OSBPL6: variants seen among roughly 807,000 people sequenced by gnomAD.
The protein encoded by OSBPL6 is oxysterol-binding protein-related protein 6.
OSBPL6 carries 49 observed loss-of-function variants against 125.8 expected under a neutral mutation model. That is an observed-to-expected ratio of 0.39 (90% CI 0.31 to 0.49). The LOEUF (loss-of-function observed/expected upper bound fraction) is 0.49. OSBPL6 is among the 20% of genes least tolerant of loss of function. OSBPL6 has a pLI of 0.88. For synonymous variants in OSBPL6, 394 were observed against 391.8 expected, an observed-to-expected ratio of 1.01 and a Z score of -0.07; for missense variants, 986 against 1,135.4, an observed-to-expected ratio of 0.87 and a Z score of 1.89.
rs1688489926 is a variant in OSBPL6 at position 178,324,128 on chromosome 2, A to ATGAAAAG, written c.103-45_103-39dup. On this transcript the variant is annotated intron_variant, in intron 3 of 24. Coordinates refer to ENST00000190611, the MANE Select transcript of OSBPL6 (RefSeq NM_032523.4). ...TGATTTCATCCCCATGCACATTCACATGAAAAGTGAGTTGTCTAACCCTGG... is the reference window on the plus strand; with the variant it reads ...TGATTTCATCCCCATGCACATTCACATGAAAAGTGAAAAGTGAGTTGTCTAACCCTGG... The ATGAAAAG allele has an allele frequency of 3.2e-6, 4 of 1,235,952 alleles. No homozygotes were observed. In the African/African-American group the frequency reaches 5.9e-5, roughly 18 times the overall value. 76.6% of individuals were successfully genotyped at this position (1,235,952 alleles called of 1,614,324 possible).
At chr2:178,362,701 C>T (rs779240978) in intron 13 of OSBPL6, among the ~76,000 whole-genome samples, 1 of 152,090 alleles carries the variant, frequency 6.6e-6, no homozygotes, top group South Asian at 2.1e-4. Context: ...AGACTTACAC[C>T]GTGTCACCGT....
chr2:178,336,696 T>C (rs1689719370), intron 9 of OSBPL6, among the ~76,000 whole-genome samples: 1 of 152,144 alleles, frequency 6.6e-6, no homozygotes, highest in Non-Finnish European at 1.5e-5. Flanking sequence ...TTCTACCCAC[T>C]TCAGCCTTCT....
At chr2:178,349,892 G>A (rs1032851551) in intron 12 of OSBPL6, among the ~76,000 whole-genome samples, 4 of 152,162 alleles carry the variant, frequency 2.6e-5, no homozygotes, top group Non-Finnish European at 4.4e-5. Context: ...GCTGAAAGAC[G>A]CAAGGTAGCT....
In OSBPL6 at chr2:178,228,264, G is replaced by A. The variant is rs74620038; in HGVS notation, c.-351+33590G>A. The stretch of plus-strand genomic sequence containing the variant: ...AAAAATTTAAGACACGGCCGGGCGC[G>A]GTGGCTCATGCCTGTAATCCCAGCA... On this transcript the variant is annotated intron_variant, in intron 1 of 24. Transcript: ENST00000190611. Among the ~76,000 whole-genome samples the A allele has an allele frequency of 8.6e-5, 13 of 151,640 alleles. 1 individual carries two copies. The highest frequency in any genetic ancestry group is 6.2e-4 in the South Asian group (3 of 4,810).
chr2:178,243,802 G>A (rs1234728154), intron 1 of OSBPL6, among the ~76,000 whole-genome samples: 3 of 152,098 alleles, frequency 2.0e-5, no homozygotes, highest in African/African-American at 7.2e-5. Context: ...ACAGGTGCCT[G>A]CCACCACACC....
intron 11 of OSBPL6, among the ~76,000 whole-genome samples, chr2:178,348,672 A>G (rs1196555196): frequency 6.6e-6 from 1 of 152,236 alleles, no homozygotes; most frequent in Non-Finnish European, 1.5e-5. Context: ...ATTTACTAAT[A>G]TAGATTTTAA....
chr2:178,230,299 T>A (rs2090762652), intron 1 of OSBPL6: 1 of 152,196 alleles, frequency 6.6e-6, no homozygotes, highest in Admixed American at 6.5e-5. Context: ...TGGAGGAAGT[T>A]GTTCTGTTCC....
At chr2:178,251,229 A>G (rs980992942) in intron 1 of OSBPL6, among the ~76,000 whole-genome samples, 4 of 152,188 alleles carry the variant, frequency 2.6e-5, no homozygotes, top group Admixed American at 2.0e-4. Flanking sequence ...TGTTCTGGTC[A>G]GAGAGCCCAC....
chr2:178,207,500 T>C (rs1311349425), intron 1 of OSBPL6, among the ~76,000 whole-genome samples: 1 of 152,214 alleles, frequency 6.6e-6, no homozygotes, highest in Non-Finnish European at 1.5e-5. Context: ...TATAAGGTAA[T>C]ATCTACAAGC....
chr2:178,339,735 G>A lies in OSBPL6; in HGVS notation c.958G>A (p.Val320Ile), dbSNP rs1363627667. The A allele has an allele frequency of 6.2e-7, 1 of 1,605,386 alleles. No homozygotes were observed. The highest frequency in any genetic ancestry group is 1.3e-5 in the African/African-American group (1 of 74,442). The change falls in exon 11 of 25, where the codon GTC (valine) becomes ATC (isoleucine). Residue 320 changes from valine to isoleucine, a missense_variant. By Grantham distance (29) the Val-to-Ile change is conservative. This residue lies in a region of OSBPL6 where 843 missense variants were observed against 997.3 expected (regional missense o/e 0.85). Coordinates refer to ENST00000190611, the MANE Select transcript of OSBPL6 (RefSeq NM_032523.4). ...CACAAGACGATGGAGAACAAAAAGT[G>A]TCAGCAAAGATACAAAAATACAACT... ...RVTRRWRTKS[V>I]SKDTKIQLQV...
At chr2:178,277,147 G>C (rs184320973) in intron 1 of OSBPL6, among the ~76,000 whole-genome samples, 1 of 152,278 alleles carries the variant, frequency 6.6e-6, no homozygotes, top group African/African-American at 2.4e-5. Flanking sequence ...ATTAGGATGT[G>C]TCCTAAGCAT....
chr2:178,355,494 T>C (rs926821260), intron 12 of OSBPL6, among the ~76,000 whole-genome samples: 4 of 152,096 alleles, frequency 2.6e-5, no homozygotes, highest in African/African-American at 9.7e-5. Context: ...CTACAAGAAA[T>C]TGATAAATTC....
In OSBPL6 at chr2:178,259,623, CA is replaced by C. The variant is rs937147213; in HGVS notation, c.-350-25296del. On this transcript the variant is annotated intron_variant, in intron 1 of 24. Transcript: ENST00000190611. ...AGAGAACACAGAACCCCCATCCCAC[CA>C]AAAAAAAGTCAGAATTACCCTTACT... Among the ~76,000 whole-genome samples the C allele has an allele frequency of 1.8e-3, 274 of 151,534 alleles. 1 individual carries two copies. Among genetic ancestry groups the C allele is most frequent in the African/African-American group, 6.3e-3 (260 of 41,328 alleles).
chr2:178,279,822 T>C (rs1683958073), intron 1 of OSBPL6, among the ~76,000 whole-genome samples: 1 of 152,222 alleles, frequency 6.6e-6, no homozygotes, highest in South Asian at 2.1e-4. Flanking sequence ...AGGCTTGAAC[T>C]TTATACACTT....
chr2:178,272,898 T>C (rs2092400243), intron 1 of OSBPL6, among the ~76,000 whole-genome samples: 1 of 152,136 alleles, frequency 6.6e-6, no homozygotes, highest in African/African-American at 2.4e-5. Flanking sequence ...CATCCAGTCT[T>C]GAAAATAAAA....
intron 2 of OSBPL6, among the ~76,000 whole-genome samples, chr2:178,294,723 T>G (rs1197905041): frequency 6.6e-6 from 1 of 151,796 alleles, no homozygotes; most frequent in Non-Finnish European, 1.5e-5. Flanking sequence ...GCTATTTTTT[T>G]TTTTTTTTGG....
At chr2:178,270,732 A>G (rs937944248) in intron 1 of OSBPL6, among the ~76,000 whole-genome samples, 4 of 152,216 alleles carry the variant, frequency 2.6e-5, no homozygotes, top group African/African-American at 9.6e-5. Flanking sequence ...TGAAGAAAGT[A>G]TGATGTATAT....
intron 1 of OSBPL6, among the ~76,000 whole-genome samples, chr2:178,198,364 G>A (rs555212655): frequency 2.6e-5 from 4 of 151,748 alleles, no homozygotes; most frequent in Admixed American, 6.6e-5. Flanking sequence ...ATGCAGTGGC[G>A]CAATCTTGGC....
chr2:178,272,541 T>G (rs957737588), intron 1 of OSBPL6, among the ~76,000 whole-genome samples: 5 of 152,128 alleles, frequency 3.3e-5, no homozygotes, highest in Non-Finnish European at 7.3e-5. Context: ...ATCAGTTACC[T>G]CAATGGGAAG....
Sources: gnomAD v4.1 joint callset for allele counts (sites outside exome capture counted in the v4.1 genomes callset) on GRCh38, gnomAD v4.1.1 for gene constraint, gnomAD v4.1.1 regional missense constraint, MANE v1.5 for transcripts, NCBI Gene and HGNC (gene_info 2026-07-23, HGNC 2026-07-21) for gene names.